The following PLXDC2 variants were observed in gnomAD, a reference collection of about 807,000 sequenced individuals.
The protein encoded by PLXDC2 is plexin domain-containing protein 2.
PLXDC2 carries 40 observed loss-of-function variants against 68.9 expected under a neutral mutation model. That is an observed-to-expected ratio of 0.58 (90% CI 0.45 to 0.76). The LOEUF is 0.76. PLXDC2 is among the 30% of genes least tolerant of loss of function. The pLI, the probability that PLXDC2 is intolerant of heterozygous loss-of-function variation, is 0.00. For missense variants in PLXDC2, 644 were observed against 661.9 expected (o/e 0.97, Z 0.30); for synonymous variants, 243 against 234.2 (o/e 1.04, Z -0.34).
chr10:20,260,634 A>G (rs1459241057), intron 13 of PLXDC2, among the ~76,000 whole-genome samples: 2 of 152,234 alleles, frequency 1.3e-5, no homozygotes, highest in Non-Finnish European at 2.9e-5. Context: ...TTTGGCCACT[A>G]TGAATAATGG....
At chr10:20,126,155 TTATG>T (rs1403737002) in intron 4 of PLXDC2, among the ~76,000 whole-genome samples, 2 of 147,250 alleles carry the variant, frequency 1.4e-5, no homozygotes, top group African/African-American at 4.9e-5. Flanking sequence ...ATAACATATA[TTATG>T]TATGTATCTA....
Position 20,164,463 on chromosome 10 carries a change from TC to T in PLXDC2, c.784-3del. ...CATATAGTTACCTGCTTTGTTTTTT[TC>T]CAGATTCCTGTCTTGGTCACACAGA... On this transcript the variant is annotated splice_polypyrimidine_tract_variant and splice_region_variant and intron_variant, in intron 6 of 13. Coordinates refer to ENST00000377252, the MANE Select transcript of PLXDC2 (RefSeq NM_032812.9). 6.2e-7 allele frequency: 1 copy of T among 1,608,294 alleles called. No homozygotes were observed.
intron 9 of PLXDC2, among the ~76,000 whole-genome samples, chr10:20,195,989 T>C (rs1237607328): frequency 6.6e-6 from 1 of 152,136 alleles, no homozygotes; most frequent in Non-Finnish European, 1.5e-5. Context: ...TTTCCCCCTT[T>C]ATGCATGTAA....
chr10:19,863,006 T>C (rs1399532967), intron 1 of PLXDC2, among the ~76,000 whole-genome samples: 1 of 152,196 alleles, frequency 6.6e-6, no homozygotes, highest in Non-Finnish European at 1.5e-5. Context: ...GTTCTGGTTT[T>C]CTTTTTAAAT....
intron 1 of PLXDC2, among the ~76,000 whole-genome samples, chr10:19,892,359 C>G (rs1837980298): frequency 1.3e-5 from 2 of 152,132 alleles, no homozygotes; most frequent in Admixed American, 1.3e-4. Flanking sequence ...ACTTGGGATT[C>G]AAACCCAAGC....
intron 3 of PLXDC2, 66 bp from the exon 4 acceptor site, chr10:20,068,104 G>T: frequency 1.5e-6 from 2 of 1,355,102 alleles, no homozygotes; most frequent in Non-Finnish European, 2.1e-6. Flanking sequence ...TAAGTGAAAG[G>T]CTCTTCATTT....
chr10:20,273,273 A>AT (rs1235488529), intron 13 of PLXDC2, among the ~76,000 whole-genome samples: 3 of 151,710 alleles, frequency 2.0e-5, no homozygotes, highest in Admixed American at 2.0e-4. Context: ...ATTTTTAATG[A>AT]TTTTTACTGG....
At chr10:19,931,453 A>C (rs1233450499) in intron 1 of PLXDC2, among the ~76,000 whole-genome samples, 1 of 152,232 alleles carries the variant, frequency 6.6e-6, no homozygotes, top group Non-Finnish European at 1.5e-5. Context: ...GTATGATTTA[A>C]AAGGTGCATG....
At chr10:19,883,883 A>ATTTTTTTTTTTTTTTTTT (rs1564618531) in intron 1 of PLXDC2, among the ~76,000 whole-genome samples, 4 of 41,906 alleles carry the variant, frequency 9.5e-5, no homozygotes, top group Non-Finnish European at 1.7e-4. Context: ...ATCCCTTTAA[A>ATTTTTTTTTTTTTTTTTT]CTTTTTTTTT....
intron 12 of PLXDC2, among the ~76,000 whole-genome samples, chr10:20,230,693 C>CAAAAAAAAAAAAAAAAAAAAAAAA (rs1191613913): frequency 2.6e-5 from 1 of 37,800 alleles, no homozygotes; most frequent in Non-Finnish European, 5.0e-5. Context: ...GACCTTGTCT[C>CAAAAAAAAAAAAAAAAAAAAAAAA]AAAAAAAAAA....
At chr10:20,263,904 TACTC>T (rs1300026787) in intron 13 of PLXDC2, among the ~76,000 whole-genome samples, 2 of 151,952 alleles carry the variant, frequency 1.3e-5, no homozygotes, top group Non-Finnish European at 2.9e-5. Context: ...TTGTGAAAAT[TACTC>T]AAAGAGCTAA....
intron 1 of PLXDC2, among the ~76,000 whole-genome samples, chr10:19,982,008 G>A (rs1011820246): frequency 2.0e-5 from 3 of 152,176 alleles, no homozygotes; most frequent in Non-Finnish European, 4.4e-5. Flanking sequence ...ACAGCCCTTT[G>A]ACAGAGTAAA....
intron 1 of PLXDC2, among the ~76,000 whole-genome samples, chr10:19,851,069 A>T (rs1854830): frequency 0.69 from 105,121 of 151,988 alleles, 37,924 homozygotes; most frequent in African/African-American, 0.91. Context: ...ACTAGATATA[A>T]AAACAAAGTA....
chr10:20,252,672 C>A (rs1835693732), intron 13 of PLXDC2, among the ~76,000 whole-genome samples: 1 of 152,190 alleles, frequency 6.6e-6, no homozygotes, highest in Non-Finnish European at 1.5e-5. Flanking sequence ...ATTTGTTGAG[C>A]TTCTATTATG....
At chr10:19,913,730 A>G (rs1833316187) in intron 1 of PLXDC2, among the ~76,000 whole-genome samples, 1 of 152,178 alleles carries the variant, frequency 6.6e-6, no homozygotes, top group Admixed American at 6.6e-5. Context: ...AGCAGGTGAT[A>G]AAAGAGTATG....
At chr10:20,162,943 T>A (rs1834325612) in intron 6 of PLXDC2, among the ~76,000 whole-genome samples, 1 of 145,966 alleles carries the variant, frequency 6.9e-6, no homozygotes, top group Non-Finnish European at 1.5e-5. Flanking sequence ...CAGCTGGGTG[T>A]GGTGACACAC....
chr10:19,962,303 G>A (rs1381736082), intron 1 of PLXDC2, among the ~76,000 whole-genome samples: 5 of 131,338 alleles, frequency 3.8e-5, no homozygotes, highest in Non-Finnish European at 6.3e-5. Flanking sequence ...TCTTACAACA[G>A]TAATATGATA....
chr10:19,986,378 A>T (rs561334652), intron 1 of PLXDC2, among the ~76,000 whole-genome samples: 1 of 152,260 alleles, frequency 6.6e-6, no homozygotes, highest in African/African-American at 2.4e-5. Flanking sequence ...GTATTTTTGA[A>T]AATCCAATAA....
chr10:20,122,539 C>T (rs1833713378), intron 4 of PLXDC2, among the ~76,000 whole-genome samples: 1 of 152,176 alleles, frequency 6.6e-6, no homozygotes, highest in African/African-American at 2.4e-5. Flanking sequence ...CCAGTGGAGT[C>T]CCGCACAGAT....
Sources: allele counts gnomAD v4.1 joint callset (sites outside exome capture counted in the v4.1 genomes callset), GRCh38; gene constraint gnomAD v4.1.1; transcripts MANE v1.5; gene names NCBI Gene and HGNC (gene_info 2026-07-23, HGNC 2026-07-21).